The following IMMP2L variants were observed in gnomAD, a reference collection of about 807,000 sequenced individuals.
The protein encoded by IMMP2L is mitochondrial inner membrane protease subunit 2.
In IMMP2L, 18 loss-of-function variants were observed where a neutral mutation model predicts 19.3. The ratio of observed to expected loss-of-function variants is 0.93; its 90% CI spans 0.64 to 1.38. The LOEUF (loss-of-function observed/expected upper bound fraction) is 1.38. Ranked by LOEUF, IMMP2L falls within the 40% of genes most tolerant of loss-of-function variation. The pLI is 0.00. For missense variants in IMMP2L, 233 were observed against 218.2 expected, an observed-to-expected ratio of 1.07 and a Z score of -0.43; for synonymous variants, 76 against 73.0, an observed-to-expected ratio of 1.04 and a Z score of -0.21.
intron 3 of IMMP2L, among the ~76,000 whole-genome samples, chr7:111,160,459 T>A (rs1455919865): frequency 1.3e-5 from 2 of 151,994 alleles, no homozygotes; most frequent in African/African-American, 4.8e-5. Context: ...ATACATGTTT[T>A]AAGGCTGGTA....
intron 3 of IMMP2L, among the ~76,000 whole-genome samples, chr7:111,053,042 A>G (rs1033263608): frequency 6.6e-6 from 1 of 152,202 alleles, no homozygotes; most frequent in Admixed American, 6.5e-5. Context: ...TTGCCTTCTC[A>G]GAAGAATGAA....
intron 3 of IMMP2L, among the ~76,000 whole-genome samples, chr7:111,259,149 C>A (rs917063778): frequency 6.6e-6 from 1 of 151,944 alleles, no homozygotes; most frequent in Non-Finnish European, 1.5e-5. Context: ...CTGGTATAAA[C>A]GATTTAAAAT....
chr7:110,792,566 C>A (rs1233730589), intron 5 of IMMP2L, among the ~76,000 whole-genome samples: 1 of 152,060 alleles, frequency 6.6e-6, no homozygotes, highest in African/African-American at 2.4e-5. Flanking sequence ...ACAGAGAATT[C>A]TCATATACTT....
Position 111,498,432 on chromosome 7 carries a change from G to A in IMMP2L, c.136-11091C>T, listed in dbSNP as rs372645227. On this transcript the variant is annotated intron_variant, in intron 2 of 5. Transcript: ENST00000405709. ...GGAAAAACCCCAGCAAGATACATGC[G>A]GAATCTTTAACTTCCTCATAAAACT... is the stretch of plus-strand genomic sequence containing the variant. Among the ~76,000 whole-genome samples, 18 of 151,890 alleles carry A rather than the reference G, an allele frequency of 1.2e-4. No individual in the cohort carries two copies. The East Asian group carries it at 1.9e-3, about 16-fold the overall frequency.
chr7:111,366,935 C>T (rs1829822259), intron 3 of IMMP2L, among the ~76,000 whole-genome samples: 2 of 151,806 alleles, frequency 1.3e-5, no homozygotes, highest in Admixed American at 1.3e-4. Flanking sequence ...TAAGTCCTAG[C>T]TTTAGAAGAA....
At chr7:110,893,536 A>G (rs1213691179) in intron 4 of IMMP2L, among the ~76,000 whole-genome samples, 1 of 152,192 alleles carries the variant, frequency 6.6e-6, no homozygotes, top group African/African-American at 2.4e-5. Flanking sequence ...TAGTTCATGA[A>G]CACTTTAGAT....
chr7:110,799,045 A>G (rs529340472), intron 5 of IMMP2L, among the ~76,000 whole-genome samples: 2 of 152,110 alleles, frequency 1.3e-5, no homozygotes, highest in South Asian at 4.1e-4. Flanking sequence ...GTTGTTTTCT[A>G]GTGATTTACC....
chr7:110,929,402 G>A (rs1815226991), intron 4 of IMMP2L, among the ~76,000 whole-genome samples: 1 of 152,168 alleles, frequency 6.6e-6, no homozygotes, highest in Non-Finnish European at 1.5e-5. Flanking sequence ...GGCATCAATA[G>A]AAACTCATTA....
chr7:110,841,924 T>G (rs1037993690), intron 5 of IMMP2L, among the ~76,000 whole-genome samples: 6 of 152,160 alleles, frequency 3.9e-5, no homozygotes, highest in African/African-American at 1.4e-4. Flanking sequence ...AAATAAACAC[T>G]GGGTCAATAA....
intron 3 of IMMP2L, among the ~76,000 whole-genome samples, chr7:111,430,873 A>C (rs1292851789): frequency 6.6e-6 from 1 of 151,808 alleles, no homozygotes; most frequent in Non-Finnish European, 1.5e-5. Flanking sequence ...TTGGAAGCCC[A>C]AGGGAGGTGG....
chr7:111,054,123 A>G (rs1296011006), intron 3 of IMMP2L, among the ~76,000 whole-genome samples: 1 of 152,196 alleles, frequency 6.6e-6, no homozygotes, highest in African/African-American at 2.4e-5. Context: ...ATGTGAAAAC[A>G]TATTTTTAAG....
At chr7:110,948,494 T>C (rs1817478632) in intron 4 of IMMP2L, among the ~76,000 whole-genome samples, 1 of 152,014 alleles carries the variant, frequency 6.6e-6, no homozygotes, top group Admixed American at 6.6e-5. Context: ...ATAACTGGAG[T>C]TGGGCTGGGC....
chr7:111,432,998 C>A (rs1201658961), intron 3 of IMMP2L, among the ~76,000 whole-genome samples: 1 of 149,938 alleles, frequency 6.7e-6, no homozygotes, highest in African/African-American at 2.5e-5. Context: ...ATATATTTAA[C>A]AAAGAAGGTG....
chr7:111,408,456 C>G (rs952581389), intron 3 of IMMP2L, among the ~76,000 whole-genome samples: 1 of 151,636 alleles, frequency 6.6e-6, no homozygotes, highest in Non-Finnish European at 1.5e-5. Flanking sequence ...GCAACAGTCA[C>G]GCATAAACAC....
At chr7:111,437,589 T>C (rs750124261) in intron 3 of IMMP2L, among the ~76,000 whole-genome samples, 3 of 152,014 alleles carry the variant, frequency 2.0e-5, no homozygotes, top group African/African-American at 4.8e-5. Context: ...ATTTTAATTA[T>C]ACCATTTATA....
Position 110,686,290 on chromosome 7 carries a change from CCT to C in IMMP2L, c.409-22571_409-22570del, listed in dbSNP as rs568634237. ...AATTTTGCTGATTTATAATAATCCC[CCT>C]GTTTCCTGAATGTACCTATTTCTTG... On this transcript the variant is annotated intron_variant, in intron 5 of 5. Transcript: ENST00000405709. Among the ~76,000 whole-genome samples the C allele has an allele frequency of 4.7e-4, 72 of 152,148 alleles. 1 individual carries two copies. The Middle Eastern group carries it at 0.01, about 22-fold the overall frequency.
chr7:110,961,128 G>A, intron 4 of IMMP2L, among the ~76,000 whole-genome samples: 1 of 151,880 alleles, frequency 6.6e-6, no homozygotes, highest in Non-Finnish European at 1.5e-5. Flanking sequence ...TAGTTTGGCA[G>A]TTTCTTACAA....
intron 5 of IMMP2L, among the ~76,000 whole-genome samples, chr7:110,681,870 T>A (rs1305095087): frequency 6.6e-6 from 1 of 151,978 alleles, no homozygotes; most frequent in South Asian, 2.1e-4. Flanking sequence ...CAGGTTCTCA[T>A]TGGGGAAACG....
At chr7:110,745,937 A>C (rs1217541252) in intron 5 of IMMP2L, among the ~76,000 whole-genome samples, 1 of 152,358 alleles carries the variant, frequency 6.6e-6, no homozygotes, top group East Asian at 1.9e-4. Flanking sequence ...AAATGCTCCA[A>C]TTAAAAGACA....
Sources: gnomAD v4.1 joint callset for allele counts (sites outside exome capture counted in the v4.1 genomes callset) on GRCh38, gnomAD v4.1.1 for gene constraint, MANE v1.5 for transcripts, NCBI Gene and HGNC (gene_info 2026-07-23, HGNC 2026-07-21) for gene names.